Variants in MEI4 observed in about 807,000 individuals in gnomAD.
The protein encoded by MEI4 is meiotic double-stranded break formation protein 4, also known as meiosis-specific protein MEI4.
A neutral mutation model predicts 31.4 loss-of-function variants in MEI4; 27 were observed. The ratio of observed to expected loss-of-function variants is 0.86; its 90% CI spans 0.63 to 1.19. The LOEUF (loss-of-function observed/expected upper bound fraction) is 1.19, where lower values mean the gene tolerates loss of function less well. Among genes scored for constraint, MEI4 ranks in the 50% most tolerant of loss-of-function variants. MEI4 has a pLI of 0.00. For missense variants in MEI4, 329 were observed against 398.9 expected (o/e 0.82, Z 1.49); for synonymous variants, 122 against 145.4 (o/e 0.84, Z 1.16).
At chr6:77,857,745 A>C (rs1241495127) in intron 4 of MEI4, among the ~76,000 whole-genome samples, 1 of 152,200 alleles carries the variant, frequency 6.6e-6, no homozygotes, top group African/African-American at 2.4e-5. Context: ...TCCATAAAAC[A>C]ATGTTGCTAC....
chr6:77,878,645 A>ATTTG (rs10635541), intron 4 of MEI4, among the ~76,000 whole-genome samples: 125,206 of 151,682 alleles, frequency 0.83, 52,181 homozygotes, highest in East Asian at 0.95. Flanking sequence ...TTGCTGTTGT[A>ATTTG]TTCTGTTTCC....
At chr6:77,874,169 G>A (rs1195961190) in intron 4 of MEI4, among the ~76,000 whole-genome samples, 1 of 152,096 alleles carries the variant, frequency 6.6e-6, no homozygotes, top group African/African-American at 2.4e-5. Flanking sequence ...GATGGGGATG[G>A]CATTGAATCT....
chr6:77,679,933 G>T (rs555963656), intron 1 of MEI4, among the ~76,000 whole-genome samples: 1 of 150,920 alleles, frequency 6.6e-6, no homozygotes, highest in African/African-American at 2.4e-5. Context: ...TAGAGACGGG[G>T]TTTCACCATG....
intron 3 of MEI4, among the ~76,000 whole-genome samples, chr6:77,780,775 TATTGA>T (rs1279350064): frequency 2.6e-5 from 4 of 152,210 alleles, no homozygotes; most frequent in African/African-American, 9.6e-5. Context: ...AATATTGTCT[TATTGA>T]ATTGAATAGT....
intron 4 of MEI4, among the ~76,000 whole-genome samples, chr6:77,887,771 C>T (rs532361598): frequency 2.0e-5 from 3 of 152,268 alleles, no homozygotes; most frequent in African/African-American, 7.2e-5. Context: ...ATAAAATATT[C>T]TGCAAATATC....
chr6:77,904,849 T>G (rs1437731917), intron 4 of MEI4, among the ~76,000 whole-genome samples: 1 of 152,202 alleles, frequency 6.6e-6, no homozygotes, highest in Non-Finnish European at 1.5e-5. Flanking sequence ...TTTTATATTG[T>G]GTACCCTTGA....
chr6:77,873,389 G>A (rs1455432087), intron 4 of MEI4, among the ~76,000 whole-genome samples: 1 of 152,130 alleles, frequency 6.6e-6, no homozygotes, highest in Non-Finnish European at 1.5e-5. Context: ...TTTTTTGGCT[G>A]CATAAATGTC....
At chr6:77,696,891 G>A (rs896687826) in intron 2 of MEI4, among the ~76,000 whole-genome samples, 3 of 152,156 alleles carry the variant, frequency 2.0e-5, no homozygotes, top group Non-Finnish European at 2.9e-5. Flanking sequence ...AATCCATCTG[G>A]TCCTGGACCT....
chr6:77,738,535 T>C (rs1292792916), intron 2 of MEI4, among the ~76,000 whole-genome samples: 2 of 152,194 alleles, frequency 1.3e-5, no homozygotes, highest in Non-Finnish European at 2.9e-5. Flanking sequence ...ATATTGTAAA[T>C]AGTGCTGCAA....
At chr6:77,734,023 T>A (rs1242798520) in intron 2 of MEI4, among the ~76,000 whole-genome samples, 3 of 152,048 alleles carry the variant, frequency 2.0e-5, no homozygotes, top group Admixed American at 2.0e-4. Flanking sequence ...TCTTTTACAC[T>A]TGCTGAGGAG....
intron 4 of MEI4, among the ~76,000 whole-genome samples, chr6:77,871,520 G>A (rs1377545123): frequency 1.3e-5 from 2 of 152,000 alleles, no homozygotes; most frequent in Non-Finnish European, 2.9e-5. Flanking sequence ...ATACAGATGG[G>A]AATAACAGAC....
At chr6:77,907,370 G>A (rs1440004355) in intron 4 of MEI4, among the ~76,000 whole-genome samples, 2 of 152,074 alleles carry the variant, frequency 1.3e-5, no homozygotes, top group African/African-American at 4.8e-5. Context: ...TCCCACCTAT[G>A]AGTGAGAACA....
chr6:77,695,750 C>CT lies in MEI4; in HGVS notation c.232+4853dup, dbSNP rs555089550. ...TAGGATTGACTTGGCAATGCGGGCT[C>CT]TTTTTTGGTTCCATATGAACTTGAA... On this transcript the variant is annotated intron_variant, in intron 2 of 4. Coordinates refer to ENST00000684080, the MANE Select transcript of MEI4 (RefSeq NM_001322247.2). Among the ~76,000 whole-genome samples the CT allele has an allele frequency of 1.4e-3, 213 of 152,260 alleles. 1 individual carries two copies. Among genetic ancestry groups the CT allele is most frequent in the African/African-American group, 4.5e-3 (187 of 41,540 alleles).
intron 2 of MEI4, among the ~76,000 whole-genome samples, chr6:77,748,332 G>A (rs1767669324): frequency 6.6e-6 from 1 of 152,230 alleles, no homozygotes; most frequent in African/African-American, 2.4e-5. Flanking sequence ...CTAGTCAGTG[G>A]TTTCCAAACC....
upstream of MEI4, among the ~76,000 whole-genome samples, chr6:77,652,419 C>T (rs541010341): frequency 3.9e-5 from 6 of 152,160 alleles, no homozygotes; most frequent in South Asian, 6.2e-4. Context: ...ATGTCATTTG[C>T]GACCTAGGTC....
chr6:77,660,820 G>C (rs370045669), intron 1 of MEI4, among the ~76,000 whole-genome samples: 2 of 152,246 alleles, frequency 1.3e-5, no homozygotes, highest in East Asian at 3.9e-4. Flanking sequence ...CCTGCAGGCG[G>C]ACGGCAGTCA....
chr6:77,821,534 G>A (rs1316285892), intron 3 of MEI4, among the ~76,000 whole-genome samples: 4 of 152,106 alleles, frequency 2.6e-5, no homozygotes, highest in African/African-American at 9.6e-5. Context: ...GGTGGCTCAC[G>A]CCTGTAATCC....
At chr6:77,780,359 C>A (rs1768562038) in intron 3 of MEI4, among the ~76,000 whole-genome samples, 1 of 152,096 alleles carries the variant, frequency 6.6e-6, no homozygotes, top group South Asian at 2.1e-4. Context: ...AGATTAATTA[C>A]CTACAGGTGT....
At chr6:77,791,301 A>T in intron 3 of MEI4, among the ~76,000 whole-genome samples, 1 of 152,060 alleles carries the variant, frequency 6.6e-6, no homozygotes, top group East Asian at 1.9e-4. Flanking sequence ...ACAATGATAG[A>T]CTGGATTAAG....
Sources: allele counts gnomAD v4.1 joint callset (sites outside exome capture counted in the v4.1 genomes callset), GRCh38; gene constraint gnomAD v4.1.1; transcripts MANE v1.5; gene names NCBI Gene and HGNC (gene_info 2026-07-23, HGNC 2026-07-21).